TCERG1L: variants seen among roughly 807,000 people sequenced by gnomAD.
TCERG1L encodes the protein transcription elongation regulator 1 like.
TCERG1L carries 37 observed loss-of-function variants against 56.3 expected under a neutral mutation model. The ratio of observed to expected loss-of-function variants is 0.66; its 90% CI spans 0.51 to 0.87. The LOEUF (loss-of-function observed/expected upper bound fraction) is 0.87. TCERG1L is among the 40% of genes least tolerant of loss of function. The probability of loss-of-function intolerance (pLI) is 0.00; values close to 1 mark genes in which losing one functional copy is unlikely to be tolerated. For missense variants in TCERG1L, 799 were observed against 774.2 expected (o/e 1.03, Z -0.38); for synonymous variants, 324 against 326.3 (o/e 0.99, Z 0.08).
chr10:131,093,327 G>A lies in TCERG1L; in HGVS notation c.1605-9C>T, dbSNP rs372752009. On this transcript the variant is annotated splice_polypyrimidine_tract_variant and intron_variant, in intron 11 of 11. Transcript: ENST00000368642. ...ACTCCTTAAACGTGGTCCTGAAAAA[G>A]AAAGAGTTTCCTGAGACACCTTCCA... 3.1e-6 allele frequency: 5 copies of A among 1,611,448 alleles called. No individual in the cohort carries two copies. The African/African-American group carries it at 6.7e-5, about 22-fold the overall frequency.
intron 3 of TCERG1L, among the ~76,000 whole-genome samples, chr10:131,297,394 T>C (rs1406941789): frequency 2.6e-5 from 4 of 152,318 alleles, no homozygotes; most frequent in South Asian, 2.1e-4. Flanking sequence ...TGAACAAGCA[T>C]TGGATTTCAA....
intron 11 of TCERG1L, among the ~76,000 whole-genome samples, chr10:131,094,248 G>A (rs570835960): frequency 1.1e-4 from 16 of 152,348 alleles, no homozygotes; most frequent in South Asian, 2.1e-4. Flanking sequence ...AGATGCACTC[G>A]CTTGTCCAGC....
chr10:131,136,977 TA>T (rs1564799119), intron 7 of TCERG1L, among the ~76,000 whole-genome samples: 1 of 151,506 alleles, frequency 6.6e-6, no homozygotes, highest in Admixed American at 6.6e-5. Context: ...TCGTTTCTAC[TA>T]AAAATATAAA....
At chr10:131,096,250 C>T (rs1845245375) in intron 11 of TCERG1L, among the ~76,000 whole-genome samples, 1 of 152,192 alleles carries the variant, frequency 6.6e-6, no homozygotes, top group East Asian at 1.9e-4. Context: ...GAAGGGGCTC[C>T]AGCACCTTTC....
At chr10:131,247,898 GCACACACGCA>G (rs78962629) in intron 4 of TCERG1L, among the ~76,000 whole-genome samples, 15,511 of 144,512 alleles carry the variant, frequency 0.11, 839 homozygotes, top group East Asian at 0.19. Context: ...TGACTCAGGT[GCACACACGCA>G]CACACACGCA....
In TCERG1L at chr10:131,117,079, C is replaced by T; in HGVS notation, c.1260-145G>A. 3 of 1,156,226 alleles carry T rather than the reference C, an allele frequency of 2.6e-6. No homozygotes were observed. The South Asian group carries it at 4.8e-5, about 19-fold the overall frequency. The allele number at this position is 1,156,226 out of a possible 1,614,324, so 71.6% of individuals were successfully genotyped here. ...CTTTATAAAGCCTGAGGCGGTCTCC[C>T]TCGCAAAGATGGCACATTTGCTCTT... On this transcript the variant is annotated intron_variant, in intron 8 of 11. Transcript: ENST00000368642.
chr10:131,299,541 A>G (rs113170687), intron 3 of TCERG1L, among the ~76,000 whole-genome samples: 5,599 of 152,150 alleles, frequency 0.037, 130 homozygotes, highest in African/African-American at 0.054. Flanking sequence ...GTATATCTTC[A>G]TCTTAGAGGG....
At chr10:131,096,417 T>C (rs1372201844) in intron 11 of TCERG1L, among the ~76,000 whole-genome samples, 3 of 150,376 alleles carry the variant, frequency 2.0e-5, no homozygotes, top group African/African-American at 4.9e-5. Flanking sequence ...ACATTAGCAC[T>C]TGTGATGAAG....
chr10:131,253,897 T>TG (rs982287060), intron 4 of TCERG1L, among the ~76,000 whole-genome samples: 59 of 151,810 alleles, frequency 3.9e-4, no homozygotes, highest in South Asian at 2.1e-4. Context: ...GACATGCCAG[T>TG]GGGGGAGAGA....
chr10:131,187,089 G>A (rs141687074), intron 4 of TCERG1L, among the ~76,000 whole-genome samples: 62 of 152,302 alleles, frequency 4.1e-4, no homozygotes, highest in Middle Eastern at 3.4e-3. Context: ...TGTACAACAA[G>A]GCAAGTCTGC....
At chr10:131,178,748 C>T (rs1226643439) in intron 4 of TCERG1L, among the ~76,000 whole-genome samples, 2 of 152,190 alleles carry the variant, frequency 1.3e-5, no homozygotes, top group Non-Finnish European at 2.9e-5. Flanking sequence ...GGACCTTCTC[C>T]CCAGGCATCT....
chr10:131,215,768 C>T (rs1172849689), intron 4 of TCERG1L, among the ~76,000 whole-genome samples: 8 of 152,198 alleles, frequency 5.3e-5, no homozygotes, highest in Admixed American at 6.5e-5. Flanking sequence ...AGAGTCTACC[C>T]TGACGCCTAA....
intron 10 of TCERG1L, among the ~76,000 whole-genome samples, chr10:131,099,256 G>A (rs1182479546): frequency 3.3e-5 from 5 of 152,204 alleles, no homozygotes; most frequent in East Asian, 1.9e-4. Context: ...CTGGCAGCCC[G>A]CATAACGAGA....
chr10:131,201,745 G>A (rs1375978277), intron 4 of TCERG1L, among the ~76,000 whole-genome samples: 2 of 152,180 alleles, frequency 1.3e-5, no homozygotes, highest in African/African-American at 4.8e-5. Flanking sequence ...TCTGTGGGAT[G>A]TCCTCATGCG....
intron 4 of TCERG1L, among the ~76,000 whole-genome samples, chr10:131,225,030 G>A (rs548984482): frequency 3.9e-5 from 6 of 152,260 alleles, no homozygotes; most frequent in Admixed American, 6.5e-5. Context: ...CATGAGTGCC[G>A]TGGATGTGTT....
In TCERG1L at chr10:131,148,377, G is replaced by C. The variant is rs375468661; in HGVS notation, c.1035-1717C>G. On this transcript the variant is annotated intron_variant, in intron 6 of 11. Transcript: ENST00000368642. ...AGAGACACACATGCACACAGACATAGAGACACACACATAAACACACAGATA... is the reference window on the plus strand; with the variant it reads ...AGAGACACACATGCACACAGACATACAGACACACACATAAACACACAGATA... Among the ~76,000 whole-genome samples the C allele has an allele frequency of 2.8e-4, 34 of 119,476 alleles. No individual in the cohort carries two copies. The East Asian group carries it at 6.4e-3, about 23-fold the overall frequency. 78.4% of individuals were successfully genotyped at this position (119,476 alleles called of 152,430 possible).
chr10:131,128,778 C>T (rs781189486), intron 8 of TCERG1L, among the ~76,000 whole-genome samples: 9 of 152,080 alleles, frequency 5.9e-5, no homozygotes, highest in Non-Finnish European at 1.2e-4. Context: ...CTAAGGAAGT[C>T]GTAGATCAAG....
chr10:131,203,875 C>T (rs1017736630), intron 4 of TCERG1L, among the ~76,000 whole-genome samples: 4 of 152,184 alleles, frequency 2.6e-5, no homozygotes, highest in Non-Finnish European at 5.9e-5. Context: ...CTGTCTCCAC[C>T]GCAACCCAGC....
At chr10:131,195,916 T>TG (rs1252220763) in intron 4 of TCERG1L, among the ~76,000 whole-genome samples, 2 of 152,202 alleles carry the variant, frequency 1.3e-5, no homozygotes, top group Admixed American at 1.3e-4. Context: ...CCCACTGGCC[T>TG]GGAGCTCCTT....
Sources: gnomAD v4.1 joint callset for allele counts (sites outside exome capture counted in the v4.1 genomes callset) on GRCh38, gnomAD v4.1.1 for gene constraint, MANE v1.5 for transcripts, NCBI Gene and HGNC (gene_info 2026-07-23, HGNC 2026-07-21) for gene names.